PEMT: variants seen among roughly 807,000 people sequenced by gnomAD.
PEMT encodes the protein phospholipid methyltransferase.
PEMT carries 23 observed loss-of-function variants against 27.4 expected under a neutral mutation model. That is an observed-to-expected ratio of 0.84 (90% confidence interval 0.60 to 1.19). The LOEUF (loss-of-function observed/expected upper bound fraction) is 1.19, where lower values mean the gene tolerates loss of function less well. Among genes scored for constraint, PEMT ranks in the 50% most tolerant of loss-of-function variants. PEMT has a pLI of 0.00. For synonymous variants in PEMT, 137 were observed against 139.1 expected, an observed-to-expected ratio of 0.98 and a Z score of 0.11; for missense variants, 307 against 310.1, an observed-to-expected ratio of 0.99 and a Z score of 0.07.
At chr17:17,531,865 G>C (rs8081152) in intron 2 of PEMT, among the ~76,000 whole-genome samples, 20,085 of 151,934 alleles carry the variant, frequency 0.13, 2,383 homozygotes, top group African/African-American at 0.32. Flanking sequence ...AAAAGAAAAC[G>C]TGATAACTTG....
At chr17:17,591,488 G>A (rs1264755106) in intron 1 of PEMT, 43 bp downstream of exon 1, 1 of 1,513,746 alleles carries the variant, frequency 6.6e-7, no homozygotes, top group Non-Finnish European at 9.1e-7. Context: ...GGGCCTTGCA[G>A]ATCCCTCTCC....
intron 5 of PEMT, chr17:17,507,457 GACCTC>G: frequency 1.9e-6 from 1 of 540,142 alleles, no homozygotes; most frequent in Non-Finnish European, 3.3e-6. Flanking sequence ...TCCACCCCTG[GACCTC>G]ACACTGGTCT....
At chr17:17,551,607 C>G (rs962806975) in intron 2 of PEMT, among the ~76,000 whole-genome samples, 1 of 152,208 alleles carries the variant, frequency 6.6e-6, no homozygotes, top group Non-Finnish European at 1.5e-5. Context: ...ATGCCCCGAA[C>G]AGCAGATAAG....
At chr17:17,517,911 C>A in intron 3 of PEMT, 1 of 934,736 alleles carries the variant, frequency 1.1e-6, no homozygotes, top group Non-Finnish European at 1.3e-6. Context: ...CCCCACCCAC[C>A]CAGACCACCT....
intron 2 of PEMT, among the ~76,000 whole-genome samples, chr17:17,544,803 T>C (rs1348494123): frequency 6.6e-6 from 1 of 152,196 alleles, no homozygotes; most frequent in Non-Finnish European, 1.5e-5. Flanking sequence ...TCTTCCCTGC[T>C]GAACCAGGAC....
chr17:17,572,397 C>T (rs565381262), intron 2 of PEMT, among the ~76,000 whole-genome samples: 4 of 152,354 alleles, frequency 2.6e-5, no homozygotes, highest in Admixed American at 6.5e-5. Flanking sequence ...GCCACCTCTC[C>T]GTCCTGCTCC....
At chr17:17,564,150 C>T (rs903142174) in intron 2 of PEMT, among the ~76,000 whole-genome samples, 14 of 152,176 alleles carry the variant, frequency 9.2e-5, no homozygotes, top group Admixed American at 5.9e-4. Context: ...CAGACGCCAC[C>T]GGAAGGATGC....
intron 2 of PEMT, chr17:17,570,675 G>A (rs528485763): frequency 3.0e-6 from 3 of 985,420 alleles, no homozygotes; most frequent in African/African-American, 1.7e-5. Context: ...GTGGGAGGAC[G>A]CCTGCCAGAA....
At chr17:17,528,695 A>T (rs751542248) in intron 2 of PEMT, among the ~76,000 whole-genome samples, 71 of 152,240 alleles carry the variant, frequency 4.7e-4, no homozygotes, top group Middle Eastern at 3.4e-3. Flanking sequence ...CCCAGAACCT[A>T]TGAGAGGTCA....
intron 2 of PEMT, among the ~76,000 whole-genome samples, chr17:17,552,302 A>C (rs1909709826): frequency 6.6e-6 from 1 of 151,536 alleles, no homozygotes; most frequent in Admixed American, 6.6e-5. Context: ...ACAGAGGGAG[A>C]CTCTGACTCA....
chr17:17,592,090 A>G (rs1047491865), upstream of PEMT: 1 of 984,958 alleles, frequency 1.0e-6, no homozygotes, highest in Non-Finnish European at 1.2e-6. Context: ...ACACACGCCC[A>G]GGGCCCCACA....
At chr17:17,570,528 G>A (rs1911120722) in intron 2 of PEMT, 1 of 985,288 alleles carries the variant, frequency 1.0e-6, no homozygotes, top group South Asian at 4.7e-5. Flanking sequence ...AGAGAGGGCA[G>A]GGTGAGGAGG....
At chr17:17,559,893 T>C (rs1190838204) in intron 2 of PEMT, among the ~76,000 whole-genome samples, 4 of 152,236 alleles carry the variant, frequency 2.6e-5, no homozygotes, top group African/African-American at 9.6e-5. Context: ...CGGCTGCGAG[T>C]GGCCCGGTGC....
At chr17:17,548,838 TCCGG>T (rs1909442321) in intron 2 of PEMT, among the ~76,000 whole-genome samples, 1 of 151,894 alleles carries the variant, frequency 6.6e-6, no homozygotes. Flanking sequence ...AGCCGCCGAG[TCCGG>T]CCGAGTACAG....
intron 2 of PEMT, among the ~76,000 whole-genome samples, chr17:17,562,192 C>T (rs1374778554): frequency 6.6e-6 from 1 of 152,234 alleles, no homozygotes; most frequent in Non-Finnish European, 1.5e-5. Context: ...CGGCCGAGGC[C>T]CTGACAAGTC....
At chr17:17,533,869 T>G (rs920930500) in intron 2 of PEMT, among the ~76,000 whole-genome samples, 3 of 152,150 alleles carry the variant, frequency 2.0e-5, no homozygotes, top group African/African-American at 7.2e-5. Flanking sequence ...TAGCTGGGAT[T>G]ACAGGTGCAT....
chr17:17,510,158 C>G (rs1020406580), intron 4 of PEMT, among the ~76,000 whole-genome samples: 7 of 152,132 alleles, frequency 4.6e-5, no homozygotes, highest in Non-Finnish European at 8.8e-5. Flanking sequence ...GGAGCTAGAC[C>G]CAGTGGAGAG....
intron 3 of PEMT, among the ~76,000 whole-genome samples, chr17:17,516,876 C>T (rs549930547): frequency 4.3e-4 from 66 of 152,308 alleles, no homozygotes; most frequent in African/African-American, 1.4e-3. Flanking sequence ...TCATGGACCC[C>T]GCCCAGTGGC....
intron 2 of PEMT, among the ~76,000 whole-genome samples, chr17:17,538,267 CAA>C (rs1908629083): frequency 6.6e-6 from 1 of 152,226 alleles, no homozygotes; most frequent in African/African-American, 2.4e-5. Context: ...CCACCAGCGG[CAA>C]AGAGAGCCTC....
Sources: gnomAD v4.1 joint callset for allele counts (sites outside exome capture counted in the v4.1 genomes callset) on GRCh38, gnomAD v4.1.1 for gene constraint, MANE v1.5 for transcripts, NCBI Gene and HGNC (gene_info 2026-07-23, HGNC 2026-07-21) for gene names.